FANCD2: variants seen among roughly 807,000 people sequenced by gnomAD.
FANCD2 encodes the protein FA complementation group D2, also known as Fanconi anemia group D2 protein.
In FANCD2, 131 loss-of-function variants were observed where a neutral mutation model predicts 192.3. That is an observed-to-expected ratio of 0.68 (90% CI 0.59 to 0.79). The LOEUF is 0.79. Ranked by LOEUF, FANCD2 falls within the 30% of genes least tolerant of loss-of-function variation. The probability of loss-of-function intolerance (pLI) is 0.00; values close to 1 mark genes in which losing one functional copy is unlikely to be tolerated. For synonymous variants in FANCD2, 524 were observed against 612.5 expected (o/e 0.86, Z 2.13); for missense variants, 1,508 against 1,701.6 (o/e 0.89, Z 2.00).
intron 42 of FANCD2, among the ~76,000 whole-genome samples, chr3:10,097,330 T>C (rs369357413): frequency 7.2e-5 from 11 of 152,202 alleles, no homozygotes; most frequent in African/African-American, 2.7e-4. Flanking sequence ...CTAATAAGCC[T>C]GGGAGCGCTA....
chr3:10,047,513 T>TA (rs756071447), intron 15 of FANCD2, among the ~76,000 whole-genome samples: 134 of 152,090 alleles, frequency 8.8e-4, no homozygotes, highest in Non-Finnish European at 1.7e-3. Context: ...GATCTTCTTT[T>TA]AAAAAAATCA....
At position 10,095,178 on chromosome 3, in the gene FANCD2, T is replaced by C. The variant is rs1369538743; in HGVS notation, c.3964-22T>C. ...TGAAATCAGGACATTTCATAGAGCA[T>C]TTATAAACTTATTGGTTATAGGAAG... On this transcript the variant is annotated intron_variant, in intron 40 of 43. Transcript: ENST00000675286. 18 of 1,592,216 alleles carry C rather than the reference T, an allele frequency of 1.1e-5. 1 individual carries two copies. In the South Asian group the frequency reaches 1.9e-4, roughly 17 times the overall value.
At chr3:10,029,117 C>T (rs1400689945) in intron 2 of FANCD2, among the ~76,000 whole-genome samples, 1 of 152,132 alleles carries the variant, frequency 6.6e-6, no homozygotes, top group Non-Finnish European at 1.5e-5. Context: ...AGGAAAAATA[C>T]ATCAAAGCAA....
chr3:10,034,579 C>T (rs371395855), intron 4 of FANCD2, 43 bp downstream of exon 4: 1 of 1,558,238 alleles, frequency 6.4e-7, no homozygotes. Flanking sequence ...GCCAGCATAA[C>T]TCTAGAATTT....
intron 18 of FANCD2, among the ~76,000 whole-genome samples, chr3:10,055,884 A>G (rs1158871652): frequency 1.3e-4 from 20 of 151,916 alleles, no homozygotes; most frequent in Admixed American, 1.2e-3. Flanking sequence ...GTTGTGTTTT[A>G]TTTTGTTTTG....
intron 11 of FANCD2, 43 bp downstream of exon 11, chr3:10,042,706 G>T (rs566702868): frequency 1.4e-6 from 2 of 1,464,840 alleles, no homozygotes; most frequent in Non-Finnish European, 1.9e-6. Context: ...AGCAACTTAA[G>T]TGCCAATTGC....
chr3:10,096,212 T>C lies in FANCD2; in HGVS notation c.4039-114T>C. The C allele has an allele frequency of 6.9e-6, 7 of 1,021,246 alleles. No homozygotes were observed. In the South Asian group the frequency reaches 8.9e-5, roughly 13 times the overall value. The allele number at this position is 1,021,246 out of a possible 1,614,324, so 63.3% of individuals were successfully genotyped here. On this transcript the variant is annotated intron_variant, in intron 41 of 43. Transcript: ENST00000675286. The stretch of plus-strand genomic sequence containing the variant: ...TATTCCTGTTTGATGGAACATACCG[T>C]TGGCCCATACTGGCAGGGCTTGTGT...
In FANCD2 at chr3:10,096,537, A is replaced by G. The variant is rs1694977785; in HGVS notation, c.4185+65A>G. 3.3e-6 allele frequency: 5 copies of G among 1,516,746 alleles called. No individual in the cohort carries two copies. In the East Asian group the frequency reaches 9.0e-5, roughly 27 times the overall value. 94.0% of individuals were successfully genotyped at this position (1,516,746 alleles called of 1,614,324 possible). On this transcript the variant is annotated intron_variant, in intron 42 of 43. Transcript: ENST00000675286. ...ATTCTTTGTGACAGCATCAGATGGCATGTAAGGAAGGTCACCTAAGCCCTC... is the reference window on the plus strand; with the variant it reads ...ATTCTTTGTGACAGCATCAGATGGCGTGTAAGGAAGGTCACCTAAGCCCTC...
chr3:10,075,089 A>C (rs569137043), intron 29 of FANCD2, among the ~76,000 whole-genome samples: 1 of 152,334 alleles, frequency 6.6e-6, no homozygotes, highest in African/African-American at 2.4e-5. Flanking sequence ...CTTGCATTTC[A>C]GTAGTACATA....
intron 29 of FANCD2, among the ~76,000 whole-genome samples, chr3:10,076,789 G>A (rs1382275587): frequency 6.6e-6 from 1 of 152,148 alleles, no homozygotes; most frequent in African/African-American, 2.4e-5. Flanking sequence ...GCAGTGGCAC[G>A]ATCTTGGCTT....
At chr3:10,054,465 A>ATTTTTTT (rs2087338130) in intron 18 of FANCD2, among the ~76,000 whole-genome samples, 2 of 23,514 alleles carry the variant, frequency 8.5e-5, no homozygotes, top group African/African-American at 2.0e-4. Context: ...ATATATATAT[A>ATTTTTTT]TATATATATT....
chr3:10,066,123 C>T, intron 25 of FANCD2, 144 bp downstream of exon 25: 1 of 667,708 alleles, frequency 1.5e-6, no homozygotes, highest in South Asian at 1.6e-5. Context: ...CACCACTCCC[C>T]AGTTATATGA....
intron 30 of FANCD2, among the ~76,000 whole-genome samples, chr3:10,078,652 C>G (rs1693662573): frequency 6.6e-6 from 1 of 151,494 alleles, no homozygotes; most frequent in East Asian, 2.0e-4. Context: ...CCGCGCCCGG[C>G]CTCATCTTGC....
In FANCD2 at chr3:10,064,770, A is replaced by C. The variant is rs1156757966; in HGVS notation, c.2063A>C (p.Glu688Ala). 3.7e-6 allele frequency: 6 copies of C among 1,614,164 alleles called. No homozygotes were observed. In the South Asian group the frequency reaches 6.6e-5, roughly 18 times the overall value. The change falls in exon 23 of 44, where the codon GAA becomes GCA. Residue 688 changes from glutamate to alanine, a missense_variant. Glu to Ala is a moderately radical substitution (Grantham distance 107). Transcript: ENST00000675286. ...FPVKALYGLE[E>A]YDTQDGIAIN... The stretch of plus-strand genomic sequence containing the variant: ...GTGAAAGCACTGTACGGACTGGAAG[A>C]ATACGACACTCAGGATGGGATTGCC...
At chr3:10,041,240 C>T (rs2086856667) in intron 9 of FANCD2, 1 of 244,700 alleles carries the variant, frequency 4.1e-6, no homozygotes, top group African/African-American at 2.3e-5. Flanking sequence ...CTATCACTGT[C>T]CTTCTCACTA....
rs555529919 is a variant in FANCD2, at chr3:10,038,114, C to T, written c.492-1165C>T. Among the ~76,000 whole-genome samples, 9 of 152,242 alleles carry T rather than the reference C, an allele frequency of 5.9e-5. No individual in the cohort carries two copies. The East Asian group carries it at 1.7e-3, about 29-fold the overall frequency. On this transcript the variant is annotated intron_variant, in intron 7 of 43. Transcript: ENST00000675286. ...CAAGTGATTCTCCTGCCTCAGCCCC[C>T]CGAGTAGCTGGGATTACAGGTGTGC...
intron 29 of FANCD2, 122 bp downstream of exon 29, chr3:10,074,795 TTA>T (rs1693446924): frequency 1.2e-6 from 1 of 848,380 alleles, no homozygotes. Flanking sequence ...TTTAAAGCCT[TTA>T]TATGTGAAAG....
intron 18 of FANCD2, 104 bp from the exon 19 acceptor site, chr3:10,060,182 ACAGTTAGT>A: frequency 2.7e-6 from 2 of 729,802 alleles, no homozygotes; most frequent in Non-Finnish European, 2.3e-6. Context: ...AAAAAAAAAA[ACAGTTAGT>A]AAACGGTAAA....
At chr3:10,055,798 C>T (rs984978912) in intron 18 of FANCD2, among the ~76,000 whole-genome samples, 20 of 151,094 alleles carry the variant, frequency 1.3e-4, no homozygotes, top group East Asian at 3.9e-4. Context: ...GGAGACAGAG[C>T]GAGACTCTGT....
Sources: gnomAD v4.1 joint callset for allele counts (sites outside exome capture counted in the v4.1 genomes callset) on GRCh38, gnomAD v4.1.1 for gene constraint, MANE v1.5 for transcripts, NCBI Gene and HGNC (gene_info 2026-07-23, HGNC 2026-07-21) for gene names.